Variants in ZNF329 observed in about 807,000 individuals in gnomAD.
ZNF329 encodes zinc finger protein 329.
Under a neutral mutation model 26.6 loss-of-function variants are expected in ZNF329, and 15 were observed. The observed-to-expected ratio is 0.56, with a 90% CI of 0.38 to 0.87. The LOEUF (loss-of-function observed/expected upper bound fraction) is 0.87. ZNF329 is among the 40% of genes least tolerant of loss of function. The pLI is 0.00. For synonymous variants in ZNF329, 239 were observed against 233.5 expected (o/e 1.02, Z -0.21); for missense variants, 651 against 651.9 (o/e 1.00, Z 0.02).
chr19:58,131,111 A>ATATGTGTG (rs1480205883), intron 3 of ZNF329, among the ~76,000 whole-genome samples: 49 of 147,628 alleles, frequency 3.3e-4, no homozygotes, highest in African/African-American at 1.1e-3. Context: ...ATACATGTAT[A>ATATGTGTG]TGTGTATATG....
In ZNF329 at chr19:58,127,603, C is replaced by A. The variant is rs575598600; in HGVS notation, c.*275G>T. On this transcript the variant is annotated 3_prime_UTR_variant, in exon 4 of 4. Transcript: ENST00000598312. Reference sequence around the variant, plus strand: ...TTCACAGGTTCTCTCTGTGGTGTCACCCCCATGTTTGCACATTTCATTCCA... The same window carrying A: ...TTCACAGGTTCTCTCTGTGGTGTCAACCCCATGTTTGCACATTTCATTCCA... The A allele has an allele frequency of 4.4e-5, 16 of 360,912 alleles. No homozygotes were observed. In the South Asian group the frequency reaches 1.5e-3, roughly 35 times the overall value. 22.4% of individuals were successfully genotyped at this position (360,912 alleles called of 1,614,324 possible).
chr19:58,127,844 G>A lies in ZNF329; in HGVS notation c.*34C>T, dbSNP rs370446392. ...ACACGCCTCCTAAACACAGGAGTGA[G>A]AGTGAACTGGAAGACTCATGTGGCC... On this transcript the variant is annotated 3_prime_UTR_variant, in exon 4 of 4. Coordinates refer to ENST00000598312, the MANE Select transcript of ZNF329 (RefSeq NM_024620.4). 13 of 1,540,936 alleles carry A rather than the reference G, an allele frequency of 8.4e-6. No homozygotes were observed. The highest frequency in any genetic ancestry group is 1.1e-5 in the Non-Finnish European group (13 of 1,141,336).
chr19:58,129,077 T>A lies in ZNF329; in HGVS notation c.427A>T (p.Arg143Ter). 2 of 1,614,074 alleles carry A rather than the reference T, an allele frequency of 1.2e-6. No homozygotes were observed. The highest frequency in any genetic ancestry group is 1.7e-6 in the Non-Finnish European group (2 of 1,180,042). Reference protein sequence around the residue: ...MEVIHGRNPVREKPYKYPESV... With the variant: ...MEVIHGRNPV ...TCAGGGTATTTGTAGGGCTTCTCTC[T>A]CACTGGATTTCTTCCATGAATAACT... Residue 143 changes from arginine to a stop codon, truncating the protein, a stop_gained, in exon 4 of 4, where the codon AGA (arginine) becomes TGA (stop). Coordinates refer to ENST00000598312, the MANE Select transcript of ZNF329 (RefSeq NM_024620.4). LOFTEE classifies it high-confidence loss of function.
intron 1 of ZNF329, among the ~76,000 whole-genome samples, chr19:58,149,899 G>C (rs759690878): frequency 5.9e-5 from 9 of 152,156 alleles, no homozygotes; most frequent in Non-Finnish European, 1.2e-4. Flanking sequence ...AGCATAGTGA[G>C]GTGTTTGAGG....
upstream of ZNF329, among the ~76,000 whole-genome samples, chr19:58,151,369 C>T (rs1275889073): frequency 1.3e-5 from 2 of 152,002 alleles, no homozygotes; most frequent in Admixed American, 1.3e-4. Flanking sequence ...TTAAAACAAA[C>T]GGACTGGGCT....
Position 58,128,988 on chromosome 19 carries a change from C to A in ZNF329, c.516G>T (p.Lys172Asn). ...LGHQKIMKRGKKSYEGKNFEN... is the reference protein window; with the variant it reads ...LGHQKIMKRGNKSYEGKNFEN... Reference sequence around the variant, plus strand: ...CAAAATTCTTACCTTCATACGATTTCTTGCCTCTTTTCATTATTTTCTGAT... The same window carrying A: ...CAAAATTCTTACCTTCATACGATTTATTGCCTCTTTTCATTATTTTCTGAT... Residue 172 changes from lysine to asparagine, a missense_variant, in exon 4 of 4, where the codon AAG becomes AAT. Physicochemically the swap from Lys to Asn is moderately conservative, Grantham distance 94. Transcript: ENST00000598312. The A allele has an allele frequency of 1.2e-6, 2 of 1,612,894 alleles. No individual in the cohort carries two copies. The highest frequency in any genetic ancestry group is 1.7e-6 in the Non-Finnish European group (2 of 1,179,350).
At chr19:58,150,530 G>A (rs1029894267) in intron 1 of ZNF329, among the ~76,000 whole-genome samples, 3 of 152,252 alleles carry the variant, frequency 2.0e-5, no homozygotes, top group Non-Finnish European at 2.9e-5. Context: ...GTCCTCAGAG[G>A]AGTGACCCCA....
intron 1 of ZNF329, among the ~76,000 whole-genome samples, chr19:58,148,539 T>C (rs1300494977): frequency 6.6e-6 from 1 of 151,170 alleles, no homozygotes; most frequent in East Asian, 1.9e-4. Flanking sequence ...ATAATAACAC[T>C]AGTTTTGTTT....
In ZNF329 at chr19:58,127,712, C is replaced by T; in HGVS notation, c.*166G>A. ...CATCCTAAGTTGTCTCTGGAGTTCC[C>T]CAATGAGCAGACTTAACAGTGTGGC... On this transcript the variant is annotated 3_prime_UTR_variant, in exon 4 of 4. Transcript: ENST00000598312. 1.5e-6 allele frequency: 1 copy of T among 659,630 alleles called. No homozygotes were observed. The allele number at this position is 659,630 out of a possible 1,614,324, so 40.9% of individuals were successfully genotyped here.
Position 58,129,175 on chromosome 19 carries a change from T to C in ZNF329, c.329A>G (p.Tyr110Cys). 1.9e-6 allele frequency: 3 copies of C among 1,614,194 alleles called. No homozygotes were observed. The highest frequency in any genetic ancestry group is 2.2e-5 in the South Asian group (2 of 91,084). ...GLDCDPALPS[Y>C]PKSYADKRTG... ...TCTCTTATCTGCATAACTTTTAGGA[T>C]AGCTGGGTAAGGCGGGGTCACAATC... Residue 110 changes from tyrosine to cysteine, a missense_variant, in exon 4 of 4, where the codon TAT (tyrosine) becomes TGT (cysteine). Coordinates refer to ENST00000598312, the MANE Select transcript of ZNF329 (RefSeq NM_024620.4).
At chr19:58,147,024 G>C (rs1453702606) in intron 1 of ZNF329, among the ~76,000 whole-genome samples, 1 of 151,912 alleles carries the variant, frequency 6.6e-6, no homozygotes, top group Non-Finnish European at 1.5e-5. Flanking sequence ...CATCTGGGAC[G>C]TGAGGAGCCC....
intron 3 of ZNF329, among the ~76,000 whole-genome samples, chr19:58,134,761 C>T (rs937221870): frequency 2.0e-5 from 3 of 152,250 alleles, no homozygotes; most frequent in African/African-American, 7.2e-5. Flanking sequence ...CATGGTAAAA[C>T]CATGTCTCTA....
intron 1 of ZNF329, among the ~76,000 whole-genome samples, chr19:58,145,486 TAA>T (rs1379219864): frequency 6.6e-6 from 1 of 151,816 alleles, no homozygotes; most frequent in Non-Finnish European, 1.5e-5. Flanking sequence ...CATACCCAGC[TAA>T]TTTTTATATT....
chr19:58,128,638 C>T lies in ZNF329; in HGVS notation c.866G>A (p.Cys289Tyr), dbSNP rs1268542285. Residue 289 changes from cysteine (C) to tyrosine (Y), a missense_variant, in exon 4 of 4, where the codon TGC becomes TAC. Cys to Tyr is a radical substitution (Grantham distance 194). Coordinates refer to ENST00000598312, the MANE Select transcript of ZNF329 (RefSeq NM_024620.4). ...RIHTGEKPYECLECGKTFNRN... is the reference protein window; with the variant it reads ...RIHTGEKPYEYLECGKTFNRN... ...GTTGAAGGTTTTTCCACACTCTAGG[C>T]ATTCATAAGGTTTCTCGCCTGTGTG... 2 of 1,606,040 alleles carry T rather than the reference C, an allele frequency of 1.2e-6. No homozygotes were observed. The highest frequency in any genetic ancestry group is 1.7e-5 in the Admixed American group (1 of 59,214).
intron 1 of ZNF329, among the ~76,000 whole-genome samples, chr19:58,146,942 GC>G (rs1281968429): frequency 6.6e-6 from 1 of 152,152 alleles, no homozygotes; most frequent in Non-Finnish European, 1.5e-5. Context: ...CTCCCAAAGT[GC>G]CGAGAGTGCA....
At chr19:58,137,683 G>T (rs1447700547) in intron 3 of ZNF329, among the ~76,000 whole-genome samples, 11 of 151,828 alleles carry the variant, frequency 7.2e-5, no homozygotes, top group Non-Finnish European at 1.3e-4. Flanking sequence ...CAAGAAAAAG[G>T]CCAGACATGG....
At chr19:58,138,109 C>T (rs146375436) in intron 3 of ZNF329, among the ~76,000 whole-genome samples, 2,085 of 152,194 alleles carry the variant, frequency 0.014, 21 homozygotes, top group Middle Eastern at 0.048. Flanking sequence ...AATGTAAGGA[C>T]TAGGAAACAT....
intron 3 of ZNF329, among the ~76,000 whole-genome samples, chr19:58,130,620 G>T (rs2074917446): frequency 7.2e-6 from 1 of 139,772 alleles, no homozygotes; most frequent in East Asian, 2.2e-4. Context: ...CTTGCAGTGA[G>T]CCAAGATCGT....
chr19:58,130,335 A>C (rs1345702686), intron 3 of ZNF329, among the ~76,000 whole-genome samples: 1 of 151,830 alleles, frequency 6.6e-6, no homozygotes, highest in Non-Finnish European at 1.5e-5. Flanking sequence ...AAAACAAAAC[A>C]AAACAAAAAC....
Sources: gnomAD v4.1 joint callset for allele counts (sites outside exome capture counted in the v4.1 genomes callset) on GRCh38, gnomAD v4.1.1 for gene constraint, MANE v1.5 for transcripts, NCBI Gene and HGNC (gene_info 2026-07-23, HGNC 2026-07-21) for gene names.